Variants in ADAMTS12 observed in about 807,000 individuals in gnomAD.
ADAMTS12 encodes ADAM metallopeptidase with thrombospondin type 1 motif 12, also known as A disintegrin and metalloproteinase with thrombospondin motifs 12.
Under a neutral mutation model 167.8 loss-of-function variants are expected in ADAMTS12, and 118 were observed. The observed-to-expected ratio is 0.70, with a 90% CI of 0.61 to 0.82. ADAMTS12 has a LOEUF of 0.82. Ranked by LOEUF, ADAMTS12 falls within the 40% of genes least tolerant of loss-of-function variation. ADAMTS12 has a pLI of 0.00. For synonymous variants in ADAMTS12, 704 were observed against 716.9 expected, an observed-to-expected ratio of 0.98 and a Z score of 0.29; for missense variants, 1,916 against 1,998.8, an observed-to-expected ratio of 0.96 and a Z score of 0.79.
At chr5:33,606,705 T>G (rs1170445534) in intron 16 of ADAMTS12, among the ~76,000 whole-genome samples, 1 of 152,232 alleles carries the variant, frequency 6.6e-6, no homozygotes, top group East Asian at 1.9e-4. Context: ...TTGTTATTCT[T>G]ATTTTATATA....
chr5:33,882,048 C>T (rs148985259), intron 1 of ADAMTS12, among the ~76,000 whole-genome samples: 111 of 152,174 alleles, frequency 7.3e-4, no homozygotes, highest in African/African-American at 2.6e-3. Flanking sequence ...GGAATTAATC[C>T]GTGAGGGGTA....
chr5:33,528,651 G>C (rs1018457769), intron 23 of ADAMTS12, among the ~76,000 whole-genome samples: 1 of 152,190 alleles, frequency 6.6e-6, no homozygotes, highest in African/African-American at 2.4e-5. Context: ...GCTGATAAAT[G>C]GCATAGCCAG....
chr5:33,863,157 A>G (rs1293125983), intron 2 of ADAMTS12, among the ~76,000 whole-genome samples: 1 of 152,114 alleles, frequency 6.6e-6, no homozygotes, highest in African/African-American at 2.4e-5. Context: ...CTCTCTCACC[A>G]CTCCTATTCA....
At chr5:33,772,753 G>A (rs532170974) in intron 2 of ADAMTS12, among the ~76,000 whole-genome samples, 81 of 152,272 alleles carry the variant, frequency 5.3e-4, no homozygotes, top group Admixed American at 1.6e-3. Flanking sequence ...ATGAGTTTTC[G>A]TTGGATTTAA....
intron 18 of ADAMTS12, among the ~76,000 whole-genome samples, chr5:33,580,737 A>G (rs1424221067): frequency 6.6e-6 from 1 of 152,180 alleles, no homozygotes; most frequent in Admixed American, 6.5e-5. Flanking sequence ...CACAAAAACC[A>G]AAATAGTAGC....
At chr5:33,593,166 AC>A (rs1747734032) in intron 17 of ADAMTS12, among the ~76,000 whole-genome samples, 1 of 152,112 alleles carries the variant, frequency 6.6e-6, no homozygotes, top group Admixed American at 6.5e-5. Flanking sequence ...AATCCCAGCT[AC>A]CCACGAGGCT....
intron 3 of ADAMTS12, among the ~76,000 whole-genome samples, chr5:33,740,977 G>A (rs1048063196): frequency 3.9e-5 from 6 of 152,280 alleles, no homozygotes; most frequent in South Asian, 2.1e-4. Context: ...ATTTCAAGAC[G>A]CTACCTCAAA....
chr5:33,559,856 G>A (rs1651586338), intron 20 of ADAMTS12, among the ~76,000 whole-genome samples: 2 of 151,948 alleles, frequency 1.3e-5, no homozygotes, highest in South Asian at 4.2e-4. Flanking sequence ...TTTCAGCCTG[G>A]GTGACAAAGT....
At chr5:33,714,884 G>A (rs992164162) in intron 3 of ADAMTS12, among the ~76,000 whole-genome samples, 4 of 152,012 alleles carry the variant, frequency 2.6e-5, no homozygotes, top group Non-Finnish European at 4.4e-5. Context: ...GGGTTCGATA[G>A]CATAGTTTGG....
intron 2 of ADAMTS12, among the ~76,000 whole-genome samples, chr5:33,790,628 C>T (rs10053594): frequency 0.15 from 23,029 of 150,004 alleles, 2,096 homozygotes; most frequent in East Asian, 0.4. Context: ...TCTCCTTTAA[C>T]CTTTTTCTCC....
At chr5:33,579,356 A>G (rs1404020243) in intron 18 of ADAMTS12, among the ~76,000 whole-genome samples, 1 of 151,916 alleles carries the variant, frequency 6.6e-6, no homozygotes, top group Non-Finnish European at 1.5e-5. Context: ...GCTACTGCCA[A>G]CTCTTCTCAG....
chr5:33,819,011 C>T (rs74736257), intron 2 of ADAMTS12, among the ~76,000 whole-genome samples: 2,159 of 152,006 alleles, frequency 0.014, 60 homozygotes, highest in African/African-American at 0.05. Context: ...ATATAGTTTA[C>T]AAATTTTTTT....
intron 16 of ADAMTS12, among the ~76,000 whole-genome samples, chr5:33,602,011 AC>A (rs5867194): frequency 0.5 from 76,257 of 151,868 alleles, 19,465 homozygotes; most frequent in South Asian, 0.62. Context: ...CAAGTCAGGG[AC>A]CTCATTCACT....
chr5:33,693,649 G>T (rs1742635490), intron 3 of ADAMTS12, among the ~76,000 whole-genome samples: 1 of 151,312 alleles, frequency 6.6e-6, no homozygotes, highest in Non-Finnish European at 1.5e-5. Flanking sequence ...AACAGACTAG[G>T]CATTGAAGGA....
chr5:33,891,565 A>T, intron 1 of ADAMTS12, 165 bp downstream of exon 1: 1 of 977,932 alleles, frequency 1.0e-6, no homozygotes, highest in Non-Finnish European at 1.5e-6. Flanking sequence ...CTGAATTCTG[A>T]GAAAGCCTAG....
chr5:33,545,626 T>C (rs942118820), intron 22 of ADAMTS12, among the ~76,000 whole-genome samples: 1 of 152,114 alleles, frequency 6.6e-6, no homozygotes, highest in Non-Finnish European at 1.5e-5. Flanking sequence ...GTCCAGCAAT[T>C]ATAGACTGGA....
intron 19 of ADAMTS12, among the ~76,000 whole-genome samples, chr5:33,562,287 G>A (rs1745784618): frequency 6.6e-6 from 1 of 152,182 alleles, no homozygotes; most frequent in Non-Finnish European, 1.5e-5. Context: ...AGTCGCCTTT[G>A]CCACACATAC....
intron 2 of ADAMTS12, among the ~76,000 whole-genome samples, chr5:33,826,481 T>C (rs1460227434): frequency 6.6e-6 from 1 of 152,128 alleles, no homozygotes; most frequent in African/African-American, 2.4e-5. Flanking sequence ...TATGTATGAA[T>C]GTATGAATAT....
At chr5:33,827,151 CTTTCAGAA>C (rs1748101206) in intron 2 of ADAMTS12, among the ~76,000 whole-genome samples, 1 of 33,026 alleles carries the variant, frequency 3.0e-5, no homozygotes, top group African/African-American at 7.8e-5. Flanking sequence ...TGGGGAAGCA[CTTTCAGAA>C]TTGACCCTGA....
Sources: allele counts gnomAD v4.1 joint callset (sites outside exome capture counted in the v4.1 genomes callset), GRCh38; gene constraint gnomAD v4.1.1; transcripts MANE v1.5; gene names NCBI Gene and HGNC (gene_info 2026-07-23, HGNC 2026-07-21).